The following GNPDA2 variants were observed in gnomAD, a reference collection of about 807,000 sequenced individuals.
GNPDA2 encodes the protein glucosamine-6-phosphate deaminase 2, also known as glcN6P deaminase 2.
A neutral mutation model predicts 27.0 loss-of-function variants in GNPDA2; 24 were observed. The observed-to-expected ratio is 0.89, with a 90% CI of 0.64 to 1.25. The LOEUF is 1.25. Among genes scored for constraint, GNPDA2 ranks in the 50% most tolerant of loss-of-function variants. The pLI, the probability that GNPDA2 is intolerant of heterozygous loss-of-function variation, is 0.00. For synonymous variants in GNPDA2, 94 were observed against 108.4 expected (o/e 0.87, Z 0.83); for missense variants, 286 against 335.1 (o/e 0.85, Z 1.14).
chr4:44,703,393 C>T, intron 6 of GNPDA2: 3 of 1,204,070 alleles, frequency 2.5e-6, no homozygotes, highest in Non-Finnish European at 3.1e-6. Context: ...TTGGGAGTAA[C>T]CAGAAGAGCA....
At chr4:44,722,272 C>A in intron 1 of GNPDA2, 30 bp from the exon 2 acceptor site, 1 of 1,502,266 alleles carries the variant, frequency 6.7e-7, no homozygotes, top group Non-Finnish European at 9.0e-7. Flanking sequence ...GAACACTTTA[C>A]ATAATAAACA....
rs1716366184 is a variant in GNPDA2, at chr4:44,703,007, C to A, written c.*74G>T. On this transcript the variant is annotated 3_prime_UTR_variant, in exon 7 of 7. Transcript: ENST00000295448. ...AAATTCCCCATGTTTTGTCATATTG[C>A]ATAGCTGAAAATTCATCTACTACTT... 6 of 1,589,794 alleles carry A rather than the reference C, an allele frequency of 3.8e-6. No homozygotes were observed. The highest frequency in any genetic ancestry group is 5.1e-6 in the Non-Finnish European group (6 of 1,172,844).
Position 44,710,975 on chromosome 4 carries a change from C to G in GNPDA2, c.572G>C (p.Gly191Ala). 1 of 1,608,580 alleles carries G rather than the reference C, an allele frequency of 6.2e-7. No homozygotes were observed. The highest frequency in any genetic ancestry group is 1.7e-4 in the Middle Eastern group (1 of 6,040). ...TACTTCTCTAGCATCCATCACTGTC[C>G]CCACACCAACAGTTAGAGCCATAGT... is the stretch of plus-strand genomic sequence containing the variant. The part of the protein sequence containing the change: ...VPTMALTVGV[G>A]TVMDAREVMI... Residue 191 changes from glycine to alanine, a missense_variant, in exon 5 of 7, where the codon GGG becomes GCG. Coordinates refer to ENST00000295448, the MANE Select transcript of GNPDA2 (RefSeq NM_138335.3).
chr4:44,713,903 A>C (rs1479098471), intron 4 of GNPDA2, among the ~76,000 whole-genome samples: 1 of 152,076 alleles, frequency 6.6e-6, no homozygotes, highest in Non-Finnish European at 1.5e-5. Flanking sequence ...AACCCAAGAC[A>C]CTACTGCGTT....
Position 44,722,069 on chromosome 4 carries a change from A to G in GNPDA2, c.124+15T>C, listed in dbSNP as rs751871507. On this transcript the variant is annotated intron_variant, in intron 2 of 6. Transcript: ENST00000295448. Reference sequence around the variant, plus strand: ...GATAATATCAGAATATAAAATGGAAAAAGTAGTTAATTACCTGTTGGTAAA... The same window carrying G: ...GATAATATCAGAATATAAAATGGAAGAAGTAGTTAATTACCTGTTGGTAAA... 1.3e-6 allele frequency: 2 copies of G among 1,577,834 alleles called. No homozygotes were observed. Among genetic ancestry groups the G allele is most frequent in the African/African-American group, 1.4e-5 (1 of 74,066 alleles).
chr4:44,710,162 T>C (rs1255223152), intron 5 of GNPDA2, among the ~76,000 whole-genome samples: 2 of 152,330 alleles, frequency 1.3e-5, no homozygotes, highest in East Asian at 3.9e-4. Context: ...TTTATTCATA[T>C]ACCTATGATT....
At chr4:44,724,565 ATTC>A (rs1310067996) in intron 1 of GNPDA2, among the ~76,000 whole-genome samples, 5 of 112,362 alleles carry the variant, frequency 4.4e-5, no homozygotes, top group East Asian at 2.3e-4. Flanking sequence ...TAGATTTTTA[ATTC>A]TTATTTTTAT....
In GNPDA2 at chr4:44,702,611, A is replaced by G. The variant is rs988877504; in HGVS notation, c.*470T>C. 1.3e-5 allele frequency: 13 copies of G among 1,001,914 alleles called. No individual in the cohort carries two copies. In the African/African-American group the frequency reaches 1.9e-4, roughly 15 times the overall value. The allele number at this position is 1,001,914 out of a possible 1,614,324, so 62.1% of individuals were successfully genotyped here. A position where few individuals can be genotyped will look rare whatever the true frequency, so the allele number is the denominator to read the frequency against. ...GTGCTGTAGGAAGATGACTAAGGCAACCACGTGCAGAAAAGCATGTGTGTG... is the reference window on the plus strand; with the variant it reads ...GTGCTGTAGGAAGATGACTAAGGCAGCCACGTGCAGAAAAGCATGTGTGTG... On this transcript the variant is annotated 3_prime_UTR_variant, in exon 7 of 7. Transcript: ENST00000295448.
At chr4:44,723,025 T>TC (rs1717776470) in intron 1 of GNPDA2, among the ~76,000 whole-genome samples, 2 of 152,176 alleles carry the variant, frequency 1.3e-5, no homozygotes, top group Admixed American at 1.3e-4. Flanking sequence ...AAACTGCTCA[T>TC]CTCTGGAGGA....
rs759819679 is a variant in GNPDA2 at position 44,711,187 on chromosome 4, C to CA, written c.410-51dup. 4.1e-6 allele frequency: 5 copies of CA among 1,229,264 alleles called. No individual in the cohort carries two copies. In the South Asian group the frequency reaches 1.2e-4, roughly 28 times the overall value. The allele number at this position is 1,229,264 out of a possible 1,614,324, so 76.1% of individuals were successfully genotyped here. Reference sequence around the variant, plus strand: ...ATACACATGAAGTAAATAGGTTTCACAAAGTTCAATGTGCGTTAAAGAACA... The same window carrying CA: ...ATACACATGAAGTAAATAGGTTTCACAAAAGTTCAATGTGCGTTAAAGAACA... On this transcript the variant is annotated intron_variant, in intron 4 of 6. Coordinates refer to ENST00000295448, the MANE Select transcript of GNPDA2 (RefSeq NM_138335.3).
At chr4:44,704,354 G>T in intron 6 of GNPDA2, 1 of 953,268 alleles carries the variant, frequency 1.0e-6, no homozygotes, top group Non-Finnish European at 1.2e-6. Context: ...ACTTTGTAGA[G>T]GATCGTTTTT....
At chr4:44,714,513 C>G in intron 4 of GNPDA2, 1 of 985,344 alleles carries the variant, frequency 1.0e-6, no homozygotes, top group Non-Finnish European at 1.2e-6. Context: ...TCTTCTCATT[C>G]TACTGTTTCC....
chr4:44,705,280 GTTTA>G (rs1486085248), intron 6 of GNPDA2: 16 of 981,206 alleles, frequency 1.6e-5, no homozygotes, highest in African/African-American at 3.5e-5. Context: ...TTTGAAATGT[GTTTA>G]TTTAAGAATA....
At chr4:44,706,232 G>C (rs6844898) in intron 6 of GNPDA2, 7 of 151,784 alleles carry the variant, frequency 4.6e-5, no homozygotes, top group Non-Finnish European at 1.0e-4. Context: ...CAGTTTTTCA[G>C]TTTTTCAGTT....
In GNPDA2 at chr4:44,702,835, G is replaced by A. The variant is rs963927926; in HGVS notation, c.*246C>T. ...GCAGACATTTCTATGCTGTTTTATA[G>A]GTGGCTATGTGACTTCAGTACTTTA... On this transcript the variant is annotated 3_prime_UTR_variant, in exon 7 of 7. Coordinates refer to ENST00000295448, the MANE Select transcript of GNPDA2 (RefSeq NM_138335.3). 1.5e-6 allele frequency: 2 copies of A among 1,326,330 alleles called. No individual in the cohort carries two copies. The highest frequency in any genetic ancestry group is 3.7e-5 in the South Asian group (2 of 54,650). 82.2% of individuals were successfully genotyped at this position (1,326,330 alleles called of 1,614,324 possible).
intron 6 of GNPDA2, chr4:44,705,501 A>C: frequency 1.0e-6 from 1 of 984,508 alleles, no homozygotes; most frequent in Non-Finnish European, 1.2e-6. Flanking sequence ...TCTGTTTCAA[A>C]ATTTTTCAGA....
chr4:44,708,886 C>A (rs1716787753), intron 5 of GNPDA2, among the ~76,000 whole-genome samples: 1 of 152,030 alleles, frequency 6.6e-6, no homozygotes, highest in South Asian at 2.1e-4. Context: ...CTCAAAACAC[C>A]ACCATGAGAG....
intron 4 of GNPDA2, among the ~76,000 whole-genome samples, chr4:44,712,911 G>C (rs986087282): frequency 6.6e-6 from 1 of 152,174 alleles, no homozygotes; most frequent in East Asian, 1.9e-4. Flanking sequence ...GCACCTCTAT[G>C]AAACATCTCT....
Position 44,710,981 on chromosome 4 carries a change from C to T in GNPDA2, c.566G>A (p.Gly189Asp), listed in dbSNP as rs556338548. 1.9e-6 allele frequency: 3 copies of T among 1,610,996 alleles called. No individual in the cohort carries two copies. The highest frequency in any genetic ancestry group is 1.1e-5 in the South Asian group (1 of 90,524). Residue 189 changes from glycine to aspartate, a missense_variant, in exon 5 of 7, where the codon GGT becomes GAT. Physicochemically the swap from Gly to Asp is moderately conservative, Grantham distance 94. Transcript: ENST00000295448. Reference protein sequence around the residue: ...SKVPTMALTVGVGTVMDAREV... With the variant: ...SKVPTMALTVDVGTVMDAREV... Reference sequence around the variant, plus strand: ...TCTAGCATCCATCACTGTCCCCACACCAACAGTTAGAGCCATAGTTGGCAC... The same window carrying T: ...TCTAGCATCCATCACTGTCCCCACATCAACAGTTAGAGCCATAGTTGGCAC...
Sources: gnomAD v4.1 joint callset for allele counts (sites outside exome capture counted in the v4.1 genomes callset) on GRCh38, gnomAD v4.1.1 for gene constraint, MANE v1.5 for transcripts, NCBI Gene and HGNC (gene_info 2026-07-23, HGNC 2026-07-21) for gene names.